The following KIF24 variants were observed in gnomAD, a reference collection of about 807,000 sequenced individuals.
KIF24 encodes the protein kinesin-like protein KIF24.
Under a neutral mutation model 118.9 loss-of-function variants are expected in KIF24, and 81 were observed. That is an observed-to-expected ratio of 0.68 (90% CI 0.57 to 0.82). The LOEUF (loss-of-function observed/expected upper bound fraction) is 0.82. Ranked by LOEUF, KIF24 falls within the 40% of genes least tolerant of loss-of-function variation. KIF24 has a pLI of 0.00. For missense variants in KIF24, 1,560 were observed against 1,661.6 expected (o/e 0.94, Z 1.06); for synonymous variants, 599 against 610.0 (o/e 0.98, Z 0.27).
At chr9:34,294,408 T>A (rs188676495) in intron 4 of KIF24, among the ~76,000 whole-genome samples, 1 of 152,152 alleles carries the variant, frequency 6.6e-6, no homozygotes, top group East Asian at 1.9e-4. Flanking sequence ...AATAAAAAAT[T>A]AGCCGGGTGT....
At chr9:34,332,915 C>G (rs1160495416), upstream of KIF24, among the ~76,000 whole-genome samples, 1 of 152,084 alleles carries the variant, frequency 6.6e-6, no homozygotes, top group Non-Finnish European at 1.5e-5. Flanking sequence ...TCATTTCTGT[C>G]CACTCCAAAA....
Position 34,318,302 on chromosome 9 carries a change from G to T in KIF24, c.-25-6931C>A, listed in dbSNP as rs887714555. ...AGTAGAATCGTGTCGCGGCTCGAGA[G>T]CGAGACTCCCGTCTTGGAGCCAGCC... On this transcript the variant is annotated intron_variant, in intron 1 of 12. Transcript: ENST00000402558. This position sits in a 1 kb window ranked among gnomAD's most constrained non-coding sequence, Gnocchi z 4.9. 1 of 564,020 alleles carries T rather than the reference G, an allele frequency of 1.8e-6. No homozygotes were observed. The highest frequency in any genetic ancestry group is 3.2e-6 in the Non-Finnish European group (1 of 317,444). 34.9% of individuals were successfully genotyped at this position (564,020 alleles called of 1,614,324 possible). A position where few individuals can be genotyped will look rare whatever the true frequency, so the allele number is the denominator to read the frequency against.
chr9:34,262,226 G>A (rs1421015285), intron 9 of KIF24, among the ~76,000 whole-genome samples: 1 of 152,022 alleles, frequency 6.6e-6, no homozygotes, highest in African/African-American at 2.4e-5. Context: ...ACTGTGCCCT[G>A]CCCAGAGTTA....
Position 34,257,919 on chromosome 9 carries a change from G to A in KIF24, c.1688C>T (p.Ser563Phe), listed in dbSNP as rs1834920707. 2 of 1,613,994 alleles carry A rather than the reference G, an allele frequency of 1.2e-6. No homozygotes were observed. The highest frequency in any genetic ancestry group is 1.7e-6 in the Non-Finnish European group (2 of 1,179,874). The change falls in exon 11 of 13, where the codon TCT becomes TTT. Residue 563 changes from serine (S) to phenylalanine (F), a missense_variant. This residue lies in a region of KIF24 where 964 missense variants were observed against 988.0 expected (regional missense o/e 0.98). Coordinates refer to ENST00000402558, the MANE Select transcript of KIF24 (RefSeq NM_194313.4). ...CTSVTSRNRT[S>F]GNSSPKRIQS... ...AATTCGTTTTGGAGAGGAGTTTCCAGATGTCCGATTTCGACTGGTAACTGA... is the reference window on the plus strand; with the variant it reads ...AATTCGTTTTGGAGAGGAGTTTCCAAATGTCCGATTTCGACTGGTAACTGA...
At chr9:34,295,114 AATAGATAGGTAGGTAG>A (rs1252055478) in intron 4 of KIF24, among the ~76,000 whole-genome samples, 6 of 114,110 alleles carry the variant, frequency 5.3e-5, no homozygotes, top group South Asian at 7.0e-4. Context: ...CTACAATTTT[AATAGATAGGTAGGTAG>A]ATAGGTAGGT....
chr9:34,306,685 C>T (rs1836935248), intron 2 of KIF24, among the ~76,000 whole-genome samples: 1 of 152,012 alleles, frequency 6.6e-6, no homozygotes, highest in South Asian at 2.1e-4. Flanking sequence ...GCCTGTAATC[C>T]CAGCTACTTG....
intron 3 of KIF24, among the ~76,000 whole-genome samples, chr9:34,299,066 T>C (rs151299402): frequency 1.8e-3 from 277 of 152,196 alleles, no homozygotes; most frequent in African/African-American, 6.5e-3. Flanking sequence ...ATCATTCTTA[T>C]GTTGGTAGCT....
At chr9:34,261,485 T>C (rs934766946) in intron 9 of KIF24, among the ~76,000 whole-genome samples, 2 of 152,234 alleles carry the variant, frequency 1.3e-5, no homozygotes, top group African/African-American at 4.8e-5. Context: ...ATAATCATAG[T>C]TAACATTTAT....
At chr9:34,306,614 A>T (rs1836930880) in intron 2 of KIF24, among the ~76,000 whole-genome samples, 173 bp from the exon 3 acceptor site, 1 of 152,140 alleles carries the variant, frequency 6.6e-6, no homozygotes, top group South Asian at 2.1e-4. Flanking sequence ...CATCCTGGCT[A>T]ACACGGTGAA....
At position 34,257,071 on chromosome 9, in the gene KIF24, T is replaced by A; in HGVS notation, c.2536A>T (p.Asn846Tyr). 1 of 1,614,050 alleles carries A rather than the reference T, an allele frequency of 6.2e-7. No homozygotes were observed. The highest frequency in any genetic ancestry group is 1.1e-5 in the South Asian group (1 of 91,086). ...GAGTCTTCGCTATTCTCCAGGGTGT[T>A]CCTTTGCTTTGTGGCCCTCTGACTA... Reference protein sequence around the residue: ...ISSQRATKQRNTLENSEDSFF... With the variant: ...ISSQRATKQRYTLENSEDSFF... Residue 846 changes from asparagine to tyrosine, a missense_variant, in exon 11 of 13, where the codon AAC (asparagine) becomes TAC (tyrosine). Asn to Tyr is a moderately radical substitution (Grantham distance 143, BLOSUM62 -2). Transcript: ENST00000402558.
chr9:34,269,382 G>C lies in KIF24; in HGVS notation c.1338-20C>G. The C allele has an allele frequency of 8.9e-7, 1 of 1,127,304 alleles. No homozygotes were observed. Among genetic ancestry groups the C allele is most frequent in the African/African-American group, 1.6e-5 (1 of 63,778 alleles). 69.8% of individuals were successfully genotyped at this position (1,127,304 alleles called of 1,614,324 possible). On this transcript the variant is annotated intron_variant, in intron 7 of 12. Transcript: ENST00000402558. ...GAGATCCTAGAGAAAAGACACAGCA[G>C]GAGTGACTTCTGTGAAGCTTTATTT...
At chr9:34,296,964 C>T (rs1462386169) in intron 4 of KIF24, 53 bp downstream of exon 4, 3 of 841,210 alleles carry the variant, frequency 3.6e-6, no homozygotes, top group African/African-American at 3.4e-5. Flanking sequence ...GAAATATGGC[C>T]TAATGGAAAA....
chr9:34,312,761 G>T (rs182650022), intron 1 of KIF24, among the ~76,000 whole-genome samples: 1 of 152,004 alleles, frequency 6.6e-6, no homozygotes, highest in African/African-American at 2.4e-5. Flanking sequence ...TGCAGTGGTG[G>T]TATCTTGGCT....
chr9:34,288,315 C>G (rs62556604), intron 5 of KIF24, among the ~76,000 whole-genome samples: 7 of 151,762 alleles, frequency 4.6e-5, no homozygotes, highest in Admixed American at 4.6e-4. Flanking sequence ...CATAGGGAGA[C>G]CCTGTGTCTA....
At position 34,254,805 on chromosome 9, in the gene KIF24, G is replaced by A. The variant is rs192262646; in HGVS notation, c.3966+267C>T. ...ACTGTTAGTCACAGGGAGGGGCCCC[G>A]ACAAACCGCTAGGAAGGCAGAGCAG... On this transcript the variant is annotated intron_variant, in intron 12 of 12. Transcript: ENST00000402558. Among the ~76,000 whole-genome samples the A allele has an allele frequency of 2.3e-3, 351 of 152,258 alleles. 2 individuals carry two copies. Among genetic ancestry groups the A allele is most frequent in the Non-Finnish European group, 4.4e-3 (297 of 68,018 alleles).
intron 6 of KIF24, among the ~76,000 whole-genome samples, chr9:34,278,975 A>T (rs1369866377): frequency 6.6e-6 from 1 of 151,964 alleles, no homozygotes; most frequent in Non-Finnish European, 1.5e-5. Context: ...TGTAGTGGTG[A>T]ACACCTGTGG....
At chr9:34,305,335 T>A (rs1563957688) in intron 3 of KIF24, among the ~76,000 whole-genome samples, 2 of 152,218 alleles carry the variant, frequency 1.3e-5, no homozygotes, top group Non-Finnish European at 2.9e-5. Flanking sequence ...ATCTACCCTG[T>A]ATAAAGTGGT....
chr9:34,327,842 A>AT (rs1309784702), intron 1 of KIF24, among the ~76,000 whole-genome samples: 1 of 110,130 alleles, frequency 9.1e-6, no homozygotes, highest in Non-Finnish European at 2.2e-5. Context: ...CTCTAATAAA[A>AT]AAAAAATAAT....
intron 1 of KIF24, among the ~76,000 whole-genome samples, chr9:34,320,851 AT>A (rs1837497949): frequency 1.3e-5 from 2 of 152,128 alleles, no homozygotes; most frequent in Middle Eastern, 3.4e-3. Flanking sequence ...GTACCCCAGG[AT>A]TTTTGCTCTA....
Sources: allele counts gnomAD v4.1 joint callset (sites outside exome capture counted in the v4.1 genomes callset), GRCh38; gene constraint gnomAD v4.1.1; regional missense constraint gnomAD v4.1.1; non-coding constraint Gnocchi (gnomAD v3.1); transcripts MANE v1.5; gene names NCBI Gene and HGNC (gene_info 2026-07-23, HGNC 2026-07-21).